The following SH3BGRL2 variants were observed in gnomAD, a reference collection of about 807,000 sequenced individuals.
The protein encoded by SH3BGRL2 is SH3 domain binding glutamate rich protein like 2.
In SH3BGRL2, 21 loss-of-function variants were observed where a neutral mutation model predicts 14.8. The observed-to-expected ratio is 1.42, with a 90% confidence interval of 1.01 to 2.05. SH3BGRL2 has a LOEUF of 2.05. Among genes scored for constraint, SH3BGRL2 ranks in the 30% most tolerant of loss-of-function variants. SH3BGRL2 has a pLI of 0.00. For synonymous variants in SH3BGRL2, 50 were observed against 47.8 expected (o/e 1.05, Z -0.19); for missense variants, 147 against 130.8 (o/e 1.12, Z -0.61).
intron 2 of SH3BGRL2, among the ~76,000 whole-genome samples, chr6:79,693,280 A>G (rs1306327459): frequency 6.6e-6 from 1 of 152,006 alleles, no homozygotes; most frequent in Non-Finnish European, 1.5e-5. Context: ...GGTTTTCTAG[A>G]TATACAATCA....
chr6:79,670,754 G>T (rs2127732399), intron 1 of SH3BGRL2, among the ~76,000 whole-genome samples: 1 of 152,204 alleles, frequency 6.6e-6, no homozygotes, highest in South Asian at 2.1e-4. Flanking sequence ...AAGGACCCAG[G>T]CTACTGTCTT....
At chr6:79,666,059 A>G (rs961399199) in intron 1 of SH3BGRL2, among the ~76,000 whole-genome samples, 2 of 152,194 alleles carry the variant, frequency 1.3e-5, no homozygotes, top group African/African-American at 4.8e-5. Context: ...AATGAGGCGT[A>G]CTGCTGAGGG....
the SH3BGRL2 span, among the ~76,000 whole-genome samples, chr6:79,576,159 CAT>C: frequency 1.3e-5 from 2 of 152,096 alleles, no homozygotes; most frequent in Non-Finnish European, 2.9e-5. Flanking sequence ...CTTGTGATTA[CAT>C]ATTTTTATTA....
chr6:79,641,427 A>G (rs964831605), intron 1 of SH3BGRL2, among the ~76,000 whole-genome samples: 6 of 152,158 alleles, frequency 3.9e-5, no homozygotes, highest in African/African-American at 7.2e-5. Flanking sequence ...GTCAGTTTAT[A>G]TTCAACCCAT....
chr6:79,572,475 A>G, the SH3BGRL2 span, among the ~76,000 whole-genome samples: 1 of 142,046 alleles, frequency 7.0e-6, no homozygotes, highest in African/African-American at 2.6e-5. Context: ...TTATTTATTT[A>G]TTTATTTTGA....
chr6:79,690,859 C>A (rs1196842838), intron 2 of SH3BGRL2, among the ~76,000 whole-genome samples: 1 of 152,116 alleles, frequency 6.6e-6, no homozygotes, highest in Non-Finnish European at 1.5e-5. Flanking sequence ...CAAGATCAGC[C>A]TGGGCAATAT....
the SH3BGRL2 span, among the ~76,000 whole-genome samples, chr6:79,617,965 G>C: frequency 6.6e-6 from 1 of 152,006 alleles, no homozygotes; most frequent in African/African-American, 2.4e-5. Flanking sequence ...GTAAATAATC[G>C]GTTCCATAGT....
the SH3BGRL2 span, among the ~76,000 whole-genome samples, chr6:79,620,550 G>A: frequency 2.6e-5 from 4 of 151,892 alleles, no homozygotes; most frequent in Non-Finnish European, 5.9e-5. Flanking sequence ...TCCTGTGTGA[G>A]GGTTGGCATC....
chr6:79,671,389 A>G (rs1247813341), intron 1 of SH3BGRL2, among the ~76,000 whole-genome samples: 1 of 152,134 alleles, frequency 6.6e-6, no homozygotes, highest in Non-Finnish European at 1.5e-5. Context: ...GCGGAGGTTG[A>G]GGTGAGCCAA....
At chr6:79,568,901 G>A in the SH3BGRL2 span, among the ~76,000 whole-genome samples, 1 of 151,822 alleles carries the variant, frequency 6.6e-6, no homozygotes, top group Admixed American at 6.6e-5. Flanking sequence ...GAATTTTTTT[G>A]TTACTATGCA....
chr6:79,589,200 A>ATG, the SH3BGRL2 span, among the ~76,000 whole-genome samples: 1 of 69,154 alleles, frequency 1.4e-5, no homozygotes, highest in African/African-American at 4.0e-5. Context: ...CTATATATAT[A>ATG]TATATATTTT....
At chr6:79,614,261 C>T in the SH3BGRL2 span, among the ~76,000 whole-genome samples, 4 of 152,152 alleles carry the variant, frequency 2.6e-5, no homozygotes. Context: ...TCAGGAGAGA[C>T]CCAGGGCATG....
chr6:79,547,642 G>C, the SH3BGRL2 span, among the ~76,000 whole-genome samples: 1 of 152,156 alleles, frequency 6.6e-6, no homozygotes, highest in Non-Finnish European at 1.5e-5. Flanking sequence ...AAGGAAAAGA[G>C]GTTGAATCAG....
chr6:79,675,034 C>T (rs1447739778), intron 2 of SH3BGRL2, among the ~76,000 whole-genome samples: 2 of 151,880 alleles, frequency 1.3e-5, no homozygotes, highest in African/African-American at 2.4e-5. Flanking sequence ...GTATTTTATT[C>T]ATGATTACCA....
the SH3BGRL2 span, among the ~76,000 whole-genome samples, chr6:79,585,023 C>A: frequency 6.9e-6 from 1 of 145,066 alleles, no homozygotes. Context: ...TTTTATGTAC[C>A]ATTAAGAAAA....
chr6:79,559,787 T>C, the SH3BGRL2 span, among the ~76,000 whole-genome samples: 1 of 152,238 alleles, frequency 6.6e-6, no homozygotes, highest in Non-Finnish European at 1.5e-5. Context: ...ACATTATGTA[T>C]GCAACTTCCT....
upstream of SH3BGRL2, among the ~76,000 whole-genome samples, chr6:79,627,331 G>T (rs1010284031): frequency 2.0e-5 from 3 of 152,220 alleles, no homozygotes; most frequent in African/African-American, 7.2e-5. Context: ...GCCGGGGGAA[G>T]AACACAAATG....
chr6:79,570,189 G>A, the SH3BGRL2 span, among the ~76,000 whole-genome samples: 1 of 152,136 alleles, frequency 6.6e-6, no homozygotes, highest in Non-Finnish European at 1.5e-5. Flanking sequence ...AAACATTAAT[G>A]TGCCATGCTG....
At chr6:79,679,664 T>C (rs1370875404) in intron 2 of SH3BGRL2, among the ~76,000 whole-genome samples, 2 of 152,192 alleles carry the variant, frequency 1.3e-5, no homozygotes, top group Non-Finnish European at 2.9e-5. Flanking sequence ...CTATTTTCTA[T>C]AGCAATTGTA....
Sources: gnomAD v4.1 joint callset for allele counts (sites outside exome capture counted in the v4.1 genomes callset) on GRCh38, gnomAD v4.1.1 for gene constraint, MANE v1.5 for transcripts, NCBI Gene and HGNC (gene_info 2026-07-23, HGNC 2026-07-21) for gene names.